Variants in FN3KRP observed in about 807,000 individuals in gnomAD.
FN3KRP encodes fructosamine 3 kinase related protein.
A neutral mutation model predicts 29.8 loss-of-function variants in FN3KRP; 33 were observed. The ratio of observed to expected loss-of-function variants is 1.11; its 90% confidence interval spans 0.84 to 1.48. The LOEUF (loss-of-function observed/expected upper bound fraction) is 1.48, where lower values mean the gene tolerates loss of function less well. Ranked by LOEUF, FN3KRP falls within the 40% of genes most tolerant of loss-of-function variation. The probability of loss-of-function intolerance (pLI) is 0.00; values close to 1 mark genes in which losing one functional copy is unlikely to be tolerated. For missense variants in FN3KRP, 430 were observed against 402.6 expected, an observed-to-expected ratio of 1.07 and a Z score of -0.58; for synonymous variants, 157 against 155.2, an observed-to-expected ratio of 1.01 and a Z score of -0.09.
chr17:82,726,406 T>C, intron 4 of FN3KRP, 74 bp from the exon 5 acceptor site: 1 of 1,553,250 alleles, frequency 6.4e-7, no homozygotes, highest in South Asian at 1.2e-5. Context: ...CACTTTGAGA[T>C]GCTTGTGGGT....
Position 82,727,344 on chromosome 17 carries a change from A to G in FN3KRP, c.*173A>G. On this transcript the variant is annotated 3_prime_UTR_variant, in exon 6 of 6. Transcript: ENST00000269373. ...AGGTTTTGTCATCCCAGCGTTGTCC[A>G]CTTTGTGGGGCTTTGTAGGTAGACG... 1 of 620,968 alleles carries G rather than the reference A, an allele frequency of 1.6e-6. No individual in the cohort carries two copies. The highest frequency in any genetic ancestry group is 2.7e-6 in the Non-Finnish European group (1 of 365,916). The allele number at this position is 620,968 out of a possible 1,614,324, so 38.5% of individuals were successfully genotyped here.
At chr17:82,726,739 G>T in intron 5 of FN3KRP, 94 bp from the exon 6 acceptor site, 2 of 1,494,628 alleles carry the variant, frequency 1.3e-6, no homozygotes, top group East Asian at 2.3e-5. Flanking sequence ...TGTGCTATCC[G>T]CTGCTGCCTG....
chr17:82,726,908 G>A lies in FN3KRP; in HGVS notation c.667G>A (p.Val223Ile), dbSNP rs142718764. ...LLHGDLWGGN[V>I]AEDSSGPVIF... ...CCACGGGGACCTCTGGGGTGGAAAC[G>A]TAGCAGAGGATTCCTCTGGGCCGGT... Residue 223 changes from valine (V) to isoleucine (I), a missense_variant, in exon 6 of 6, where the codon GTA becomes ATA. Coordinates refer to ENST00000269373, the MANE Select transcript of FN3KRP (RefSeq NM_024619.4). 0.016 allele frequency: 25,322 copies of A among 1,605,344 alleles called. 245 individuals carry two copies. The highest frequency in any genetic ancestry group is 0.018 in the Non-Finnish European group (20,864 of 1,174,692).
intron 3 of FN3KRP, chr17:82,722,472 T>G: frequency 7.9e-6 from 2 of 253,898 alleles, no homozygotes; most frequent in East Asian, 8.6e-5. Context: ...CCCCCGCGTG[T>G]TGGGATGTGA....
At chr17:82,722,945 T>G in intron 4 of FN3KRP, 59 bp downstream of exon 4, 4 of 1,440,002 alleles carry the variant, frequency 2.8e-6, no homozygotes, top group Non-Finnish European at 3.9e-6. Context: ...GACACACGGG[T>G]TGGGGGGACA....
chr17:82,718,376 G>A (rs2143605350), intron 1 of FN3KRP: 5 of 984,470 alleles, frequency 5.1e-6, no homozygotes, highest in East Asian at 1.1e-4. Flanking sequence ...GGATGGAAAC[G>A]GCATCTCAAG....
At chr17:82,721,443 A>C (rs2046797474) in intron 3 of FN3KRP, among the ~76,000 whole-genome samples, 1 of 152,130 alleles carries the variant, frequency 6.6e-6, no homozygotes, top group Non-Finnish European at 1.5e-5. Flanking sequence ...CAGGTTTGCC[A>C]CTGAGAGCCA....
chr17:82,716,837 GGC>G lies in FN3KRP; in HGVS notation c.83_84del (p.Gly28AlafsTer25). On this transcript the variant is annotated frameshift_variant, in exon 1 of 6. Transcript: ENST00000269373. LOFTEE classifies it high-confidence loss of function. Reference sequence around the variant, plus strand: ...CTCGGGGGGCGGGTGCATCAGCCAGGGCCGGAGCTACGACACGGATCAAGGAC... The same window carrying G: ...CTCGGGGGGCGGGTGCATCAGCCAGGCGGAGCTACGACACGGATCAAGGAC... Reference protein sequence around the residue: ...GHSGGGCISQGRSYDTDQGRV... With the variant: ...GHSGGGCISQXRSYDTDQGRV... 1 of 1,560,558 alleles carries G rather than the reference GGC, an allele frequency of 6.4e-7. No individual in the cohort carries two copies. The highest frequency in any genetic ancestry group is 1.7e-4 in the Middle Eastern group (1 of 5,926).
chr17:82,719,477 G>A (rs562177767), intron 2 of FN3KRP, among the ~76,000 whole-genome samples: 2 of 152,230 alleles, frequency 1.3e-5, no homozygotes, highest in Admixed American at 6.5e-5. Flanking sequence ...GCTGCACGCC[G>A]GCCGCGGTGG....
chr17:82,726,644 C>T (rs1568062777), intron 5 of FN3KRP, 42 bp downstream of exon 5: 8 of 1,583,296 alleles, frequency 5.1e-6, no homozygotes, highest in Non-Finnish European at 6.9e-6. Context: ...TGCCACACAC[C>T]CCACTTGCCT....
chr17:82,722,158 G>C (rs933660640), intron 3 of FN3KRP, among the ~76,000 whole-genome samples: 79 of 150,632 alleles, frequency 5.2e-4, no homozygotes, highest in African/African-American at 1.8e-3. Flanking sequence ...TTTTGAGACG[G>C]AGTTTCACTC....
Position 82,727,295 on chromosome 17 carries a change from A to G in FN3KRP, c.*124A>G, listed in dbSNP as rs1021812470. Reference sequence around the variant, plus strand: ...GCAGTAGCTTATTTCCAAGCCTTGCAAAGTATATAATATCTAAGAGGAAAG... The same window carrying G: ...GCAGTAGCTTATTTCCAAGCCTTGCGAAGTATATAATATCTAAGAGGAAAG... On this transcript the variant is annotated 3_prime_UTR_variant, in exon 6 of 6. Transcript: ENST00000269373. The G allele has an allele frequency of 5.9e-6, 5 of 852,326 alleles. No individual in the cohort carries two copies. In the African/African-American group the frequency reaches 6.8e-5, roughly 12 times the overall value. 52.8% of individuals were successfully genotyped at this position (852,326 alleles called of 1,614,324 possible).
chr17:82,726,717 G>T, intron 5 of FN3KRP, 115 bp downstream of exon 5: 1 of 1,508,324 alleles, frequency 6.6e-7, no homozygotes, highest in Admixed American at 2.2e-5. Context: ...GTGGGAAGCG[G>T]GTGCCTGGTG....
chr17:82,720,182 T>A (rs775500739), intron 2 of FN3KRP, 90 bp from the exon 3 acceptor site: 46 of 1,027,476 alleles, frequency 4.5e-5, no homozygotes, highest in Admixed American at 6.6e-5. Context: ...ATAAAAAAGT[T>A]TGACCCTCTT....
At chr17:82,718,391 G>A in intron 1 of FN3KRP, 2 of 987,584 alleles carry the variant, frequency 2.0e-6, no homozygotes, top group Non-Finnish European at 2.4e-6. Flanking sequence ...CTCAAGATGA[G>A]GTGGTTTCCA....
intron 3 of FN3KRP, chr17:82,722,490 C>A: frequency 3.4e-6 from 1 of 292,972 alleles, no homozygotes; most frequent in South Asian, 5.6e-5. Context: ...TGAGACAGGT[C>A]CCCTGAGAGG....
In FN3KRP at chr17:82,726,787, T is replaced by C. The variant is rs375968410; in HGVS notation, c.592-46T>C. 18 of 1,511,704 alleles carry C rather than the reference T, an allele frequency of 1.2e-5. No individual in the cohort carries two copies. In the African/African-American group the frequency reaches 1.8e-4, roughly 15 times the overall value. 93.6% of individuals were successfully genotyped at this position (1,511,704 alleles called of 1,614,324 possible). A position where few individuals can be genotyped will look rare whatever the true frequency, so the allele number is the denominator to read the frequency against. ...TGGGGACCTGGAGCGGCGCCCCTCA[T>C]GCACGCGTTGATCAATTTGCTGAGG... On this transcript the variant is annotated intron_variant, in intron 5 of 5. Coordinates refer to ENST00000269373, the MANE Select transcript of FN3KRP (RefSeq NM_024619.4).
At chr17:82,722,738 C>G in intron 3 of FN3KRP, 66 bp from the exon 4 acceptor site, 1 of 1,512,188 alleles carries the variant, frequency 6.6e-7, no homozygotes, top group Admixed American at 1.7e-5. Context: ...GAAGGTGACT[C>G]AGTTTCGAGA....
Position 82,720,297 on chromosome 17 carries a change from C to G in FN3KRP, c.319C>G (p.Leu107Val). ...TCATGCTGCAAAGCTTGGAGCCCAG[C>G]TGGCCGATTTACACCTTGATAACAA... ...SSHAAKLGAQ[L>V]ADLHLDNKKL... Residue 107 changes from leucine (L) to valine (V), a missense_variant, in exon 3 of 6, where the codon CTG (leucine) becomes GTG (valine). Transcript: ENST00000269373. 6.2e-7 allele frequency: 1 copy of G among 1,614,126 alleles called. No individual in the cohort carries two copies. Among genetic ancestry groups the G allele is most frequent in the Non-Finnish European group, 8.5e-7 (1 of 1,180,008 alleles).
Sources: allele counts gnomAD v4.1 joint callset (sites outside exome capture counted in the v4.1 genomes callset), GRCh38; gene constraint gnomAD v4.1.1; transcripts MANE v1.5; gene names NCBI Gene and HGNC (gene_info 2026-07-23, HGNC 2026-07-21).